Variants in MAP2 observed in about 807,000 individuals in gnomAD.
The protein encoded by MAP2 is microtubule associated protein 2.
In MAP2, 14 loss-of-function variants were observed where a neutral mutation model predicts 137.6. The observed-to-expected ratio is 0.10, with a 90% CI of 0.07 to 0.16. The LOEUF is 0.16. Ranked by LOEUF, MAP2 falls within the 10% of genes least tolerant of loss-of-function variation. The pLI is 1.00. For synonymous variants in MAP2, 786 were observed against 782.3 expected (o/e 1.00, Z -0.08); for missense variants, 2,088 against 2,191.5 (o/e 0.95, Z 0.94).
intron 12 of MAP2, among the ~76,000 whole-genome samples, chr2:209,707,659 T>C (rs943918779): frequency 1.2e-4 from 18 of 152,158 alleles, no homozygotes; most frequent in African/African-American, 4.3e-4. Context: ...CCTCTTCAAG[T>C]TCAGAACAAA....
intron 1 of MAP2, among the ~76,000 whole-genome samples, chr2:209,472,773 A>G (rs1179542445): frequency 6.6e-6 from 1 of 152,196 alleles, no homozygotes; most frequent in Non-Finnish European, 1.5e-5. Flanking sequence ...TTGCTTAGTC[A>G]TTGTTTTATA....
intron 1 of MAP2, among the ~76,000 whole-genome samples, chr2:209,455,692 AT>A (rs1252813118): frequency 6.6e-6 from 1 of 152,182 alleles, no homozygotes; most frequent in African/African-American, 2.4e-5. Flanking sequence ...ATATAAATAA[AT>A]TTTTTAAGGT....
At chr2:209,436,432 A>C (rs771155164) in intron 1 of MAP2, among the ~76,000 whole-genome samples, 2 of 151,714 alleles carry the variant, frequency 1.3e-5, no homozygotes, top group African/African-American at 2.4e-5. Flanking sequence ...AACAATAAGC[A>C]GTTCTTATCA....
chr2:209,447,101 G>A (rs140867195), intron 1 of MAP2, among the ~76,000 whole-genome samples: 3 of 152,108 alleles, frequency 2.0e-5, no homozygotes, highest in South Asian at 2.1e-4. Context: ...CAGTAAAGCA[G>A]TAGAGTAACT....
intron 13 of MAP2, among the ~76,000 whole-genome samples, chr2:209,717,567 A>C (rs1318148645): frequency 6.6e-6 from 1 of 152,182 alleles, no homozygotes; most frequent in Non-Finnish European, 1.5e-5. Context: ...CAACTAATAA[A>C]TTATAGTGAA....
intron 11 of MAP2, among the ~76,000 whole-genome samples, chr2:209,705,086 GT>G (rs1405007972): frequency 6.6e-6 from 1 of 151,918 alleles, no homozygotes; most frequent in East Asian, 1.9e-4. Flanking sequence ...CATTAAACTT[GT>G]TTCTTCAGCT....
intron 1 of MAP2, among the ~76,000 whole-genome samples, chr2:209,461,687 T>C (rs111395513): frequency 5.7e-4 from 87 of 152,220 alleles, no homozygotes; most frequent in African/African-American, 2.0e-3. Context: ...CAACCTCAGG[T>C]GATCCGCCCC....
At chr2:209,612,435 C>A (rs922961459) in intron 3 of MAP2, among the ~76,000 whole-genome samples, 3 of 151,988 alleles carry the variant, frequency 2.0e-5, no homozygotes, top group African/African-American at 7.2e-5. Flanking sequence ...CAGTTTATTT[C>A]TTTATGAAAA....
intron 3 of MAP2, among the ~76,000 whole-genome samples, chr2:209,597,694 A>G (rs1308570362): frequency 6.6e-6 from 1 of 152,142 alleles, no homozygotes; most frequent in Non-Finnish European, 1.5e-5. Context: ...CTGACTCTCT[A>G]GGTCCATCCT....
chr2:209,646,435 A>G (rs2094429383), intron 4 of MAP2, among the ~76,000 whole-genome samples: 1 of 152,232 alleles, frequency 6.6e-6, no homozygotes, highest in Non-Finnish European at 1.5e-5. Context: ...ATCTAGACAC[A>G]TACTCAAGTA....
intron 1 of MAP2, among the ~76,000 whole-genome samples, chr2:209,456,149 G>A (rs776100207): frequency 3.9e-5 from 6 of 152,054 alleles, no homozygotes; most frequent in African/African-American, 7.2e-5. Context: ...CTTATCATGT[G>A]GTAAGGTACA....
rs112799549 is a variant in MAP2 at position 209,678,095 on chromosome 2, C to T, written c.263-477C>T. Among the ~76,000 whole-genome samples, 1,183 of 152,062 alleles carry T rather than the reference C, an allele frequency of 7.8e-3. 12 individuals carry two copies. Among genetic ancestry groups the T allele is most frequent in the African/African-American group, 0.027 (1,102 of 41,518 alleles). On this transcript the variant is annotated intron_variant, in intron 5 of 15. Coordinates refer to ENST00000682079, the MANE Select transcript of MAP2 (RefSeq NM_001375505.1). ...AAGTTAAATTCAAAATGAACCCTCT[C>T]TTCTATCCTTGAATTTGTTTTACTA...
intron 3 of MAP2, among the ~76,000 whole-genome samples, chr2:209,623,733 T>G (rs1280517368): frequency 6.6e-6 from 1 of 152,084 alleles, no homozygotes; most frequent in Non-Finnish European, 1.5e-5. Flanking sequence ...ATTCCAAATG[T>G]GAGAACCACT....
intron 1 of MAP2, among the ~76,000 whole-genome samples, chr2:209,429,018 A>G (rs1299721089): frequency 1.3e-5 from 2 of 151,910 alleles, no homozygotes; most frequent in African/African-American, 4.8e-5. Context: ...CAGTGGCGCC[A>G]TCTCGGCTCA....
At chr2:209,557,391 G>A (rs918035816) in intron 2 of MAP2, among the ~76,000 whole-genome samples, 2 of 152,156 alleles carry the variant, frequency 1.3e-5, no homozygotes, top group Non-Finnish European at 2.9e-5. Flanking sequence ...AGAATGGTAT[G>A]GAGGTAGACA....
intron 1 of MAP2, among the ~76,000 whole-genome samples, chr2:209,469,568 A>G (rs1339390299): frequency 6.6e-6 from 1 of 152,148 alleles, no homozygotes; most frequent in African/African-American, 2.4e-5. Flanking sequence ...GAAGAGAAGC[A>G]ATGATATGCT....
At chr2:209,622,455 C>T (rs1363916495) in intron 3 of MAP2, among the ~76,000 whole-genome samples, 4 of 152,094 alleles carry the variant, frequency 2.6e-5, no homozygotes, top group Non-Finnish European at 5.9e-5. Flanking sequence ...CCTGTTTTCT[C>T]ATTTGTAAAG....
At chr2:209,515,050 A>G (rs288050) in intron 2 of MAP2, among the ~76,000 whole-genome samples, 1,768 of 152,264 alleles carry the variant, frequency 0.012, 37 homozygotes, top group African/African-American at 0.041. Context: ...ATCATTTGCC[A>G]TAACAAACCG....
At chr2:209,500,365 A>G (rs559616883) in intron 1 of MAP2, among the ~76,000 whole-genome samples, 1 of 152,238 alleles carries the variant, frequency 6.6e-6, no homozygotes, top group East Asian at 1.9e-4. Context: ...TATTTTTCCA[A>G]ACACCCCCTG....
Sources: allele counts gnomAD v4.1 joint callset (sites outside exome capture counted in the v4.1 genomes callset), GRCh38; gene constraint gnomAD v4.1.1; transcripts MANE v1.5; gene names NCBI Gene and HGNC (gene_info 2026-07-23, HGNC 2026-07-21).